Variants in STOX2 observed in about 807,000 individuals in gnomAD.
STOX2 encodes storkhead-box protein 2.
In STOX2, 28 loss-of-function variants were observed where a neutral mutation model predicts 60.9. The observed-to-expected ratio is 0.46, with a 90% CI of 0.34 to 0.63. The LOEUF is 0.63. STOX2 is among the 30% of genes least tolerant of loss of function. The probability of loss-of-function intolerance (pLI) is 0.01; values close to 1 mark genes in which losing one functional copy is unlikely to be tolerated. For missense variants in STOX2, 1,024 were observed against 1,187.7 expected (o/e 0.86, Z 2.03); for synonymous variants, 472 against 463.9 (o/e 1.02, Z -0.22).
intron 1 of STOX2, among the ~76,000 whole-genome samples, chr4:183,818,575 AT>A (rs1294537980): frequency 6.6e-6 from 1 of 152,202 alleles, no homozygotes; most frequent in Non-Finnish European, 1.5e-5. Context: ...CAAAACCGCC[AT>A]CGTCATCATG....
intron 1 of STOX2, among the ~76,000 whole-genome samples, chr4:183,971,161 C>T (rs1351587796): frequency 3.3e-5 from 5 of 152,230 alleles, no homozygotes; most frequent in East Asian, 3.9e-4. Context: ...GAGTGATACT[C>T]GTCTAAGGAC....
chr4:183,807,365 G>T (rs1465322619), intron 1 of STOX2, among the ~76,000 whole-genome samples: 1 of 113,100 alleles, frequency 8.8e-6, no homozygotes, highest in Non-Finnish European at 2.0e-5. Context: ...TTTTATTATG[G>T]ACAGCAGTCC....
At chr4:183,986,700 C>A (rs1359151509) in intron 1 of STOX2, among the ~76,000 whole-genome samples, 1 of 152,206 alleles carries the variant, frequency 6.6e-6, no homozygotes, top group Non-Finnish European at 1.5e-5. Context: ...CGTTTTGTAG[C>A]CTCCCGAGGA....
intron 1 of STOX2, among the ~76,000 whole-genome samples, chr4:183,843,463 C>T (rs1289618358): frequency 6.6e-6 from 1 of 152,204 alleles, no homozygotes; most frequent in Non-Finnish European, 1.5e-5. Flanking sequence ...TTCCTGGGCA[C>T]TGAACTTTAG....
rs1234461419 is a variant in STOX2 at position 183,836,104 on chromosome 4, T to G, written c.364+38049T>G. Among the ~76,000 whole-genome samples, 1 of 152,210 alleles carries G rather than the reference T, an allele frequency of 6.6e-6. No individual in the cohort carries two copies. The highest frequency in any genetic ancestry group is 2.4e-5 in the African/African-American group (1 of 41,438). On this transcript the variant is annotated intron_variant, in intron 1 of 2. Transcript: ENST00000513034. The surrounding 1 kb of genome is among the most constrained non-coding windows in gnomAD (Gnocchi z 4.1). The stretch of plus-strand genomic sequence containing the variant: ...TCCACTGCAGTTTTGATTTGCGATC[T>G]CCTGGTGACTAATGATGTTGAACGT...
chr4:183,859,386 C>T (rs1283844719), intron 1 of STOX2, among the ~76,000 whole-genome samples: 3 of 152,218 alleles, frequency 2.0e-5, no homozygotes, highest in South Asian at 2.1e-4. Context: ...GGGTGTCCAT[C>T]GGGTGACATT....
At chr4:183,822,063 C>T (rs543684582) in intron 1 of STOX2, among the ~76,000 whole-genome samples, 49 of 152,310 alleles carry the variant, frequency 3.2e-4, no homozygotes, top group African/African-American at 1.0e-3. Flanking sequence ...GCAAACTTCC[C>T]GTCCTGATCA....
intron 1 of STOX2, among the ~76,000 whole-genome samples, chr4:184,000,714 C>G (rs1032272674): frequency 6.6e-6 from 1 of 152,122 alleles, no homozygotes; most frequent in African/African-American, 2.4e-5. Context: ...CTGAGCCCCA[C>G]CCTCGCCTCC....
At chr4:183,860,958 G>T (rs1194781936) in intron 1 of STOX2, among the ~76,000 whole-genome samples, 1 of 152,170 alleles carries the variant, frequency 6.6e-6, no homozygotes, top group East Asian at 1.9e-4. Context: ...TGTTTGCAAA[G>T]GGATTACGCT....
intron 1 of STOX2, among the ~76,000 whole-genome samples, chr4:183,919,869 GC>G (rs1742048865): frequency 6.6e-6 from 1 of 152,124 alleles, no homozygotes; most frequent in Non-Finnish European, 1.5e-5. Flanking sequence ...CTCCCAGTGT[GC>G]TGGGATTATG....
rs1400766350 is a variant in STOX2 at position 184,022,468 on chromosome 4, TTCTTACG to T, written c.*5185_*5191del. ...ACAAGACTCAAGGGGGAACTAAACT[TTCTTACG>T]ATTGTACATGATCAGTTATAGGGCT... On this transcript the variant is annotated 3_prime_UTR_variant, in exon 4 of 4. Transcript: ENST00000308497. 1 of 152,142 alleles carries T rather than the reference TTCTTACG, an allele frequency of 6.6e-6. No homozygotes were observed. The highest frequency in any genetic ancestry group is 1.5e-5 in the Non-Finnish European group (1 of 68,042). The allele number at this position is 152,142 out of a possible 1,614,324, so 9.4% of individuals were successfully genotyped here.
At chr4:183,852,349 GGATGAGAGAAAC>G in intron 1 of STOX2, among the ~76,000 whole-genome samples, 1 of 104,926 alleles carries the variant, frequency 9.5e-6, no homozygotes, top group African/African-American at 4.5e-5. Flanking sequence ...ATGAGGGAAA[GGATGAGAGAAAC>G]GATGAGGGAA....
intron 1 of STOX2, among the ~76,000 whole-genome samples, chr4:183,857,198 G>A (rs541221390): frequency 4.5e-4 from 69 of 151,884 alleles, no homozygotes; most frequent in Admixed American, 3.9e-3. Flanking sequence ...TGGTCATCCT[G>A]CAGGTCTCAT....
chr4:183,807,389 G>C lies in STOX2; in HGVS notation c.364+9334G>C, dbSNP rs553054615. Among the ~76,000 whole-genome samples, 3 of 152,234 alleles carry C rather than the reference G, an allele frequency of 2.0e-5. No individual in the cohort carries two copies. In the East Asian group the frequency reaches 5.8e-4, roughly 29 times the overall value. ...GGACAGCAGTCCCCAGGCCCTTCTG[G>C]TGTGACCCCTTTGGGATGCTTTCCA... On this transcript the variant is annotated intron_variant, in intron 1 of 2. Transcript: ENST00000513034.
intron 1 of STOX2, among the ~76,000 whole-genome samples, chr4:183,921,033 G>A (rs969463624): frequency 1.3e-5 from 2 of 152,080 alleles, no homozygotes; most frequent in African/African-American, 4.8e-5. Flanking sequence ...GACTTTTTTA[G>A]TTATGAAAAA....
rs1740546837 is a variant in STOX2 at position 183,865,671 on chromosome 4, A to G, written c.364+67616A>G. ...TTCACTGAAGAGGAGGTAGTGATTT[A>G]TGCTAAAAGAATAAGACAGAATTAG... is the stretch of plus-strand genomic sequence containing the variant. On this transcript the variant is annotated intron_variant, in intron 1 of 2. Transcript: ENST00000513034. This position sits in a 1 kb window ranked among gnomAD's most constrained non-coding sequence, Gnocchi z 4.1. Among the ~76,000 whole-genome samples the G allele has an allele frequency of 6.6e-6, 1 of 152,186 alleles. No homozygotes were observed. The highest frequency in any genetic ancestry group is 1.5e-5 in the Non-Finnish European group (1 of 68,018).
rs555381416 is a variant in STOX2 at position 183,982,440 on chromosome 4, G to T, written c.167-18885G>T. On this transcript the variant is annotated intron_variant, in intron 1 of 3. Transcript: ENST00000308497. ...CCTGGGCTATAAAGGCCCTAAAAAT[G>T]TAGGAACTTTCTGTTTTCCAAACTG... 2.6e-5 allele frequency among the ~76,000 whole-genome samples: 4 copies of T among 152,334 alleles called. No individual in the cohort carries two copies. The East Asian group carries it at 7.7e-4, about 29-fold the overall frequency.
At chr4:183,996,071 T>C (rs892900263) in intron 1 of STOX2, among the ~76,000 whole-genome samples, 11 of 152,230 alleles carry the variant, frequency 7.2e-5, no homozygotes, top group African/African-American at 2.4e-4. Context: ...TTACTTACAA[T>C]TGTAATATTT....
chr4:184,004,232 G>C (rs1211174343), intron 2 of STOX2, among the ~76,000 whole-genome samples: 1 of 152,148 alleles, frequency 6.6e-6, no homozygotes, highest in Non-Finnish European at 1.5e-5. Context: ...CAAAAGTGTA[G>C]TCTAGAATTT....
Sources: allele counts gnomAD v4.1 joint callset (sites outside exome capture counted in the v4.1 genomes callset), GRCh38; gene constraint gnomAD v4.1.1; non-coding constraint Gnocchi (gnomAD v3.1); transcripts MANE v1.5; gene names NCBI Gene and HGNC (gene_info 2026-07-23, HGNC 2026-07-21).